APBB2: variants seen among roughly 807,000 people sequenced by gnomAD.
APBB2 encodes the protein Fe65-like 1.
Under a neutral mutation model 82.5 loss-of-function variants are expected in APBB2, and 38 were observed. The observed-to-expected ratio is 0.46, with a 90% CI of 0.36 to 0.60. The LOEUF is 0.60. APBB2 is among the 20% of genes least tolerant of loss of function. The pLI, the probability that APBB2 is intolerant of heterozygous loss-of-function variation, is 0.00. For missense variants in APBB2, 772 were observed against 972.3 expected (o/e 0.79, Z 2.74); for synonymous variants, 341 against 368.2 (o/e 0.93, Z 0.85).
rs60881384 is a variant in APBB2 at position 40,828,364 on chromosome 4, C to T, written c.1645-1145G>A. Among the ~76,000 whole-genome samples the T allele has an allele frequency of 1.4e-4, 22 of 152,300 alleles. 1 individual carries two copies. In the East Asian group the frequency reaches 2.1e-3, roughly 15 times the overall value. On this transcript the variant is annotated intron_variant, in intron 13 of 17. Coordinates refer to ENST00000508593, the MANE Select transcript of APBB2 (RefSeq NM_004307.2). ...CCCTTTAGTGACCCCAAAAGTAACT[C>T]GGATCTTCATTCCCAGACTAAGTTT...
intron 1 of APBB2, among the ~76,000 whole-genome samples, chr4:41,160,893 C>T (rs890895218): frequency 1.3e-5 from 2 of 152,118 alleles, no homozygotes; most frequent in Non-Finnish European, 2.9e-5. Context: ...TCCTAAGCAC[C>T]TCGCATGCAT....
intron 12 of APBB2, among the ~76,000 whole-genome samples, chr4:40,831,493 G>T (rs560370278): frequency 1.3e-5 from 2 of 152,290 alleles, no homozygotes; most frequent in South Asian, 4.1e-4. Flanking sequence ...GAATTTCACA[G>T]AACCCTTCTA....
chr4:40,977,000 G>A (rs1012930300), intron 6 of APBB2, among the ~76,000 whole-genome samples: 5 of 152,120 alleles, frequency 3.3e-5, no homozygotes, highest in African/African-American at 1.2e-4. Context: ...AGTGAGCTAT[G>A]ATTGAGCCAC....
chr4:40,963,491 T>C (rs1454534251), intron 6 of APBB2, among the ~76,000 whole-genome samples: 1 of 152,212 alleles, frequency 6.6e-6, no homozygotes, highest in African/African-American at 2.4e-5. Context: ...CAAGCGATCC[T>C]CCTGCTTTGG....
At chr4:41,066,116 G>A (rs1731708807) in intron 3 of APBB2, among the ~76,000 whole-genome samples, 1 of 107,776 alleles carries the variant, frequency 9.3e-6, no homozygotes, top group Non-Finnish European at 2.2e-5. Flanking sequence ...TATTGGAGAG[G>A]TTAGATGTCA....
chr4:41,049,253 T>C (rs1325274906), intron 4 of APBB2, among the ~76,000 whole-genome samples: 1 of 144,562 alleles, frequency 6.9e-6, no homozygotes, highest in East Asian at 2.1e-4. Context: ...GTCTGGGAGG[T>C]GAGGAGCGTC....
intron 16 of APBB2, among the ~76,000 whole-genome samples, chr4:40,822,850 G>GT (rs1748478427): frequency 6.6e-6 from 1 of 152,196 alleles, no homozygotes; most frequent in Non-Finnish European, 1.5e-5. Context: ...GGTGATCTGG[G>GT]TAAGGGTCGG....
chr4:40,896,095 T>G (rs1318564448), intron 10 of APBB2, among the ~76,000 whole-genome samples: 1 of 152,094 alleles, frequency 6.6e-6, no homozygotes, highest in African/African-American at 2.4e-5. Flanking sequence ...GACAGGGTCT[T>G]GCTCTGTCAC....
At chr4:41,027,159 TA>T (rs1268026995) in intron 5 of APBB2, among the ~76,000 whole-genome samples, 1 of 152,060 alleles carries the variant, frequency 6.6e-6, no homozygotes, top group Non-Finnish European at 1.5e-5. Flanking sequence ...AGCACCCGAT[TA>T]AAGCCTTCTT....
intron 1 of APBB2, among the ~76,000 whole-genome samples, chr4:41,188,339 G>A (rs1023169289): frequency 1.3e-5 from 2 of 152,162 alleles, no homozygotes; most frequent in African/African-American, 4.8e-5. Flanking sequence ...CAGCTGTGGT[G>A]CCTGTTGCAG....
chr4:40,957,264 A>G (rs1359749953), intron 6 of APBB2, among the ~76,000 whole-genome samples: 1 of 152,212 alleles, frequency 6.6e-6, no homozygotes, highest in East Asian at 1.9e-4. Context: ...CATCAACCAC[A>G]GTGTATTTCT....
chr4:41,039,599 T>G (rs1159952556), intron 4 of APBB2, among the ~76,000 whole-genome samples: 1 of 152,158 alleles, frequency 6.6e-6, no homozygotes, highest in Non-Finnish European at 1.5e-5. Flanking sequence ...GGTCCACACT[T>G]GTAAATCCCG....
intron 2 of APBB2, among the ~76,000 whole-genome samples, chr4:41,138,553 G>C (rs557376160): frequency 6.6e-6 from 1 of 152,130 alleles, no homozygotes; most frequent in Non-Finnish European, 1.5e-5. Flanking sequence ...ATTTGAACAG[G>C]TATTTCTCCA....
intron 13 of APBB2, among the ~76,000 whole-genome samples, chr4:40,827,547 CACA>C (rs1750362574): frequency 6.6e-6 from 1 of 152,274 alleles, no homozygotes; most frequent in East Asian, 1.9e-4. Context: ...CCTGCCGGCC[CACA>C]GTGGCCAGCG....
chr4:41,030,308 C>T (rs1256421552), intron 5 of APBB2, among the ~76,000 whole-genome samples: 1 of 152,124 alleles, frequency 6.6e-6, no homozygotes, highest in African/African-American at 2.4e-5. Context: ...GAAGCACAAG[C>T]AGAATGTGTA....
intron 6 of APBB2, among the ~76,000 whole-genome samples, chr4:40,974,535 A>C (rs1273835180): frequency 1.3e-5 from 2 of 152,134 alleles, no homozygotes; most frequent in Non-Finnish European, 2.9e-5. Flanking sequence ...TTATTATAGT[A>C]AACAGAGACT....
intron 6 of APBB2, among the ~76,000 whole-genome samples, chr4:40,948,649 A>G (rs573328722): frequency 4.6e-5 from 7 of 151,232 alleles, no homozygotes; most frequent in Non-Finnish European, 1.0e-4. Context: ...AATCCCAGCT[A>G]CTCGGAAGGC....
intron 10 of APBB2, among the ~76,000 whole-genome samples, chr4:40,913,969 C>T (rs533275804): frequency 7.7e-4 from 117 of 152,260 alleles, no homozygotes; most frequent in African/African-American, 2.6e-3. Flanking sequence ...GGTGTGGTGG[C>T]TCATGCCTGT....
At chr4:40,904,576 C>T (rs1776193727) in intron 10 of APBB2, among the ~76,000 whole-genome samples, 1 of 151,980 alleles carries the variant, frequency 6.6e-6, no homozygotes, top group South Asian at 2.1e-4. Flanking sequence ...TGGATGTTGC[C>T]TCCATAATAG....
Sources: allele counts gnomAD v4.1 joint callset (sites outside exome capture counted in the v4.1 genomes callset), GRCh38; gene constraint gnomAD v4.1.1; transcripts MANE v1.5; gene names NCBI Gene and HGNC (gene_info 2026-07-23, HGNC 2026-07-21).